Variants in SBF2 observed in about 807,000 individuals in gnomAD.
SBF2 encodes the protein SET binding factor 2, also known as myotubularin-related protein 13.
Under a neutral mutation model 225.2 loss-of-function variants are expected in SBF2, and 112 were observed. That is an observed-to-expected ratio of 0.50 (90% confidence interval 0.43 to 0.58). SBF2 has a LOEUF of 0.58. Ranked by LOEUF, SBF2 falls within the 20% of genes least tolerant of loss-of-function variation. The pLI, the probability that SBF2 is intolerant of heterozygous loss-of-function variation, is 0.00. For synonymous variants in SBF2, 763 were observed against 773.3 expected (o/e 0.99, Z 0.22); for missense variants, 1,996 against 2,206.2 (o/e 0.90, Z 1.91).
At chr11:10,236,435 C>G (rs1215863181) in intron 1 of SBF2, among the ~76,000 whole-genome samples, 4 of 152,160 alleles carry the variant, frequency 2.6e-5, no homozygotes, top group Non-Finnish European at 5.9e-5. Flanking sequence ...TGTACTCCAG[C>G]CTAGACAACA....
intron 16 of SBF2, among the ~76,000 whole-genome samples, chr11:9,926,359 T>C (rs1344378442): frequency 6.6e-6 from 1 of 151,994 alleles, no homozygotes; most frequent in Non-Finnish European, 1.5e-5. Context: ...CAAACTACCA[T>C]TGGAAAGACT....
At chr11:9,916,759 A>AT (rs1474627283) in intron 16 of SBF2, among the ~76,000 whole-genome samples, 1 of 151,700 alleles carries the variant, frequency 6.6e-6, no homozygotes, top group African/African-American at 2.4e-5. Context: ...TAATTTTTAA[A>AT]TTTTTTGTAG....
intron 1 of SBF2, among the ~76,000 whole-genome samples, chr11:10,279,947 C>A (rs1015989622): frequency 6.6e-6 from 1 of 152,192 alleles, no homozygotes; most frequent in African/African-American, 2.4e-5. Flanking sequence ...CCACGCCTGG[C>A]CGATCAGTGA....
chr11:10,173,400 G>A (rs1365906565), intron 2 of SBF2, among the ~76,000 whole-genome samples: 1 of 152,214 alleles, frequency 6.6e-6, no homozygotes, highest in Admixed American at 6.5e-5. Context: ...AGGGGTGACA[G>A]ATGGCACCTG....
intron 22 of SBF2, among the ~76,000 whole-genome samples, chr11:9,848,838 C>T (rs909625493): frequency 1.3e-5 from 2 of 152,246 alleles, no homozygotes; most frequent in Non-Finnish European, 2.9e-5. Flanking sequence ...ATTTTATGAA[C>T]TGTTGCGCAT....
At chr11:9,929,108 C>A (rs1194171476) in intron 16 of SBF2, 4 of 314,594 alleles carry the variant, frequency 1.3e-5, no homozygotes, top group Non-Finnish European at 2.5e-5. Context: ...TTGACAACAA[C>A]CAAGTGGGAG....
chr11:10,277,191 G>A (rs888780554), intron 1 of SBF2, among the ~76,000 whole-genome samples: 43 of 149,448 alleles, frequency 2.9e-4, no homozygotes, highest in African/African-American at 3.2e-4. Flanking sequence ...AGGCCAAGGC[G>A]GGCAGATCGC....
chr11:9,853,723 C>A lies in SBF2; in HGVS notation c.2364-11G>T. On this transcript the variant is annotated splice_polypyrimidine_tract_variant and intron_variant, in intron 19 of 39. Transcript: ENST00000256190. ...ACACTTCCTGCAATACTAAGACAGT[C>A]AAGGAAAGAAATCATGGTCAGTACT... is the stretch of plus-strand genomic sequence containing the variant. 6.2e-7 allele frequency: 1 copy of A among 1,613,194 alleles called. No homozygotes were observed. Among genetic ancestry groups the A allele is most frequent in the South Asian group, 1.1e-5 (1 of 91,034 alleles).
intron 2 of SBF2, among the ~76,000 whole-genome samples, chr11:10,064,665 A>T (rs925868587): frequency 6.6e-6 from 1 of 152,226 alleles, no homozygotes; most frequent in Non-Finnish European, 1.5e-5. Flanking sequence ...AGATTTCAGA[A>T]ATTTTTTTTA....
intron 16 of SBF2, among the ~76,000 whole-genome samples, chr11:9,921,865 T>A (rs924170299): frequency 6.6e-6 from 1 of 152,222 alleles, no homozygotes; most frequent in Non-Finnish European, 1.5e-5. Flanking sequence ...CTATAGCTAA[T>A]ATAAATCCAT....
chr11:9,942,227 C>G (rs72855635), intron 16 of SBF2, among the ~76,000 whole-genome samples: 16,162 of 152,046 alleles, frequency 0.11, 973 homozygotes, highest in East Asian at 0.31. Flanking sequence ...GCTACCATGG[C>G]TGGCTGATTT....
chr11:9,812,456 T>C, intron 30 of SBF2, 76 bp downstream of exon 30: 2 of 1,498,890 alleles, frequency 1.3e-6, no homozygotes, highest in Non-Finnish European at 9.2e-7. Context: ...ATTTTTTTTC[T>C]CAAATACAGT....
At chr11:10,256,456 G>A (rs1467652967) in intron 1 of SBF2, among the ~76,000 whole-genome samples, 1 of 152,162 alleles carries the variant, frequency 6.6e-6, no homozygotes, top group Admixed American at 6.5e-5. Context: ...TAAGCCACTG[G>A]CCTACCTATA....
chr11:9,928,644 G>A (rs1015359205), intron 16 of SBF2, among the ~76,000 whole-genome samples: 3 of 152,196 alleles, frequency 2.0e-5, no homozygotes, highest in Admixed American at 6.5e-5. Context: ...AAAGACTTAT[G>A]CATGAATGTT....
In SBF2 at chr11:10,141,321, C is replaced by T. The variant is rs186630401; in HGVS notation, c.141+52581G>A. Among the ~76,000 whole-genome samples, 40 of 152,242 alleles carry T rather than the reference C, an allele frequency of 2.6e-4. No individual in the cohort carries two copies. The East Asian group carries it at 7.5e-3, about 29-fold the overall frequency. Reference sequence around the variant, plus strand: ...CTCTTGATGGGAATAGCTAAAGAAACATCAAATTTAAAGAAGGAGTCATTA... The same window carrying T: ...CTCTTGATGGGAATAGCTAAAGAAATATCAAATTTAAAGAAGGAGTCATTA... On this transcript the variant is annotated intron_variant, in intron 2 of 39. Transcript: ENST00000256190.
At chr11:10,203,326 C>T (rs777460367) in intron 1 of SBF2, among the ~76,000 whole-genome samples, 3 of 152,062 alleles carry the variant, frequency 2.0e-5, no homozygotes, top group Non-Finnish European at 2.9e-5. Flanking sequence ...GAGGAAAAAA[C>T]GAAAAAACTT....
intron 1 of SBF2, among the ~76,000 whole-genome samples, chr11:10,282,026 G>C (rs1963441764): frequency 6.6e-6 from 1 of 152,084 alleles, no homozygotes; most frequent in Non-Finnish European, 1.5e-5. Flanking sequence ...CATATGACTT[G>C]GGGCATGTAT....
chr11:10,269,026 C>A (rs984890841), intron 1 of SBF2, among the ~76,000 whole-genome samples: 3 of 152,088 alleles, frequency 2.0e-5, no homozygotes, highest in South Asian at 4.1e-4. Flanking sequence ...TAATTAAAAT[C>A]TCCCTGAAGG....
intron 2 of SBF2, among the ~76,000 whole-genome samples, chr11:10,177,546 C>A (rs931777481): frequency 6.1e-5 from 9 of 148,694 alleles, no homozygotes; most frequent in Non-Finnish European, 1.3e-4. Flanking sequence ...TATACACCAA[C>A]AACAGACAAA....
Sources: allele counts gnomAD v4.1 joint callset (sites outside exome capture counted in the v4.1 genomes callset), GRCh38; gene constraint gnomAD v4.1.1; transcripts MANE v1.5; gene names NCBI Gene and HGNC (gene_info 2026-07-23, HGNC 2026-07-21).